Variants in STAT4 observed in about 807,000 individuals in gnomAD.
The protein encoded by STAT4 is signal transducer and activator of transcription 4.
A neutral mutation model predicts 110.5 loss-of-function variants in STAT4; 42 were observed. The ratio of observed to expected loss-of-function variants is 0.38; its 90% CI spans 0.30 to 0.49. STAT4 has a LOEUF of 0.49. Ranked by LOEUF, STAT4 falls within the 20% of genes least tolerant of loss-of-function variation. STAT4 has a pLI of 0.95. For missense variants in STAT4, 632 were observed against 887.9 expected (o/e 0.71, Z 3.66); for synonymous variants, 284 against 302.2 (o/e 0.94, Z 0.63).
At chr2:191,121,408 C>G (rs894195880) in intron 3 of STAT4, among the ~76,000 whole-genome samples, 1 of 152,136 alleles carries the variant, frequency 6.6e-6, no homozygotes, top group African/African-American at 2.4e-5. Context: ...TTGACCCAGC[C>G]ATCCCATTAC....
intron 3 of STAT4, among the ~76,000 whole-genome samples, chr2:191,098,395 A>C (rs1316885466): frequency 6.6e-6 from 1 of 152,238 alleles, no homozygotes; most frequent in Non-Finnish European, 1.5e-5. Flanking sequence ...TGGATTAAGA[A>C]AATGTGGCAC....
chr2:191,071,195 A>C lies in STAT4; in HGVS notation c.466-1424T>G, dbSNP rs149435600. On this transcript the variant is annotated intron_variant, in intron 5 of 23. Transcript: ENST00000392320. Reference sequence around the variant, plus strand: ...GCAAAGTAAACTATTTCCATTTTTCATGTGAGGAAACTGAGGCCCAAAGTC... The same window carrying C: ...GCAAAGTAAACTATTTCCATTTTTCCTGTGAGGAAACTGAGGCCCAAAGTC... 1.7e-4 allele frequency among the ~76,000 whole-genome samples: 26 copies of C among 152,302 alleles called. 1 individual carries two copies. In the East Asian group the frequency reaches 5.0e-3, roughly 29 times the overall value.
In STAT4 at chr2:191,033,474, A is replaced by T; in HGVS notation, c.1852+16T>A. ...GAAAACTAATTTCACATGAATAAAC[A>T]TTAGTGAGTATATACCACTTTCAGA... is the stretch of plus-strand genomic sequence containing the variant. On this transcript the variant is annotated intron_variant, in intron 20 of 23. Coordinates refer to ENST00000392320, the MANE Select transcript of STAT4 (RefSeq NM_003151.4). The surrounding 1 kb of genome is among the most constrained non-coding windows in gnomAD (Gnocchi z 6.9). The T allele has an allele frequency of 6.3e-7, 1 of 1,589,896 alleles. No individual in the cohort carries two copies. Among genetic ancestry groups the T allele is most frequent in the Non-Finnish European group, 8.5e-7 (1 of 1,173,546 alleles).
At chr2:191,121,789 GA>G (rs1698740843) in intron 3 of STAT4, among the ~76,000 whole-genome samples, 1 of 128,330 alleles carries the variant, frequency 7.8e-6, no homozygotes, top group Non-Finnish European at 1.6e-5. Context: ...GGGGAAGGGG[GA>G]GGGGGGAGGG....
rs1214589655 is a variant in STAT4 at position 191,062,802 on chromosome 2, G to T, written c.901C>A (p.Leu301Ile). 6.2e-7 allele frequency: 1 copy of T among 1,613,838 alleles called. No homozygotes were observed. The highest frequency in any genetic ancestry group is 8.5e-7 in the Non-Finnish European group (1 of 1,179,876). Residue 301 changes from leucine (L) to isoleucine (I), a missense_variant, in exon 9 of 24, where the codon CTA becomes ATA. Leu to Ile is a conservative substitution (Grantham distance 5). This residue lies in a region of STAT4 where 488 missense variants were observed against 632.8 expected (regional missense o/e 0.77). Transcript: ENST00000392320. The surrounding 1 kb of genome is among the most constrained non-coding windows in gnomAD (Gnocchi z 4.9). ...DPIPMQRTHM[L>I]ERVTFLIYNL... ...TAGATCAAGAAGGTGACTCTTTCTA[G>T]CATGTGAGTTCTTTGCATTGGAATG...
At chr2:191,106,470 C>T (rs1698284376) in intron 3 of STAT4, among the ~76,000 whole-genome samples, 1 of 151,584 alleles carries the variant, frequency 6.6e-6, no homozygotes, top group African/African-American at 2.4e-5. Context: ...GTCTGGCCAA[C>T]ATGGTGAAAT....
rs1456244974 is a variant in STAT4 at position 191,150,348 on chromosome 2, G to A, written c.-2+599C>T. ...TCTCTAGGGGCTACTTCTTTCTCATGAAAACTGTGACGTTGCTTCTGAAAA... is the reference window on the plus strand; with the variant it reads ...TCTCTAGGGGCTACTTCTTTCTCATAAAAACTGTGACGTTGCTTCTGAAAA... On this transcript the variant is annotated intron_variant, in intron 1 of 23. Transcript: ENST00000392320. This position sits in a 1 kb window ranked among gnomAD's most constrained non-coding sequence, Gnocchi z 6.4. 5.3e-5 allele frequency among the ~76,000 whole-genome samples: 8 copies of A among 152,194 alleles called. No individual in the cohort carries two copies. The highest frequency in any genetic ancestry group is 1.0e-4 in the Non-Finnish European group (7 of 68,038).
At position 191,076,240 on chromosome 2, in the gene STAT4, T is replaced by C. The variant is rs1355355814; in HGVS notation, c.359A>G (p.Asn120Ser). ...REERRILAAA[N>S]MPVQGPLEKS... is the part of the protein sequence containing the mutation. ...AGAAAATATTACCTGGACAGGCATGTTGGCTGCAGCCAATATTCTCCTCTC... is the reference window on the plus strand; with the variant it reads ...AGAAAATATTACCTGGACAGGCATGCTGGCTGCAGCCAATATTCTCCTCTC... The change falls in exon 4 of 24, where the codon AAC (asparagine) becomes AGC (serine). Residue 120 changes from asparagine (N) to serine (S), a missense_variant. Physicochemically the swap from Asn to Ser is conservative, Grantham distance 46 (BLOSUM62 1). This residue lies in a region of STAT4 where 488 missense variants were observed against 632.8 expected (regional missense o/e 0.77). Coordinates refer to ENST00000392320, the MANE Select transcript of STAT4 (RefSeq NM_003151.4). The C allele has an allele frequency of 6.2e-7, 1 of 1,613,496 alleles. No homozygotes were observed. The highest frequency in any genetic ancestry group is 8.5e-7 in the Non-Finnish European group (1 of 1,179,688).
At chr2:191,044,966 A>C (rs1465116846) in intron 14 of STAT4, among the ~76,000 whole-genome samples, 1 of 152,228 alleles carries the variant, frequency 6.6e-6, no homozygotes, top group Non-Finnish European at 1.5e-5. Context: ...TTAGCTGTTA[A>C]CAATTTTTAT....
intron 14 of STAT4, among the ~76,000 whole-genome samples, chr2:191,047,394 G>C (rs1225690010): frequency 6.6e-6 from 1 of 152,218 alleles, no homozygotes; most frequent in East Asian, 1.9e-4. Flanking sequence ...CAGAAGTGCA[G>C]ATCACAACCT....
At chr2:191,097,501 G>C (rs1005657076) in intron 3 of STAT4, among the ~76,000 whole-genome samples, 14 of 151,944 alleles carry the variant, frequency 9.2e-5, no homozygotes, top group African/African-American at 3.1e-4. Context: ...ACAAACCTGA[G>C]AAAAACAAGA....
chr2:191,103,316 T>C (rs1018350631), intron 3 of STAT4, among the ~76,000 whole-genome samples: 7 of 152,180 alleles, frequency 4.6e-5, no homozygotes, highest in African/African-American at 1.7e-4. Flanking sequence ...TTGCCTGATA[T>C]TGATGTAGAT....
At position 191,033,633 on chromosome 2, in the gene STAT4, A is replaced by G; in HGVS notation, c.1716-7T>C. 1 of 1,610,418 alleles carries G rather than the reference A, an allele frequency of 6.2e-7. No individual in the cohort carries two copies. On this transcript the variant is annotated splice_region_variant and splice_polypyrimidine_tract_variant and intron_variant, in intron 19 of 23. Coordinates refer to ENST00000392320, the MANE Select transcript of STAT4 (RefSeq NM_003151.4). This position sits in a 1 kb window ranked among gnomAD's most constrained non-coding sequence, Gnocchi z 6.9. ...AACAAAGCCCATGACATACCTAAAA[A>G]TAGAACATGCATTATTTCATCTGAT...
At position 191,143,183 on chromosome 2, in the gene STAT4, T is replaced by C. The variant is rs60905156; in HGVS notation, c.273+3430A>G. ...TTTTTTTAAGGTCCATTAATTTTCT[T>C]AAAGCAAAGCATTCTTGAATTATCT... is the stretch of plus-strand genomic sequence containing the variant. On this transcript the variant is annotated intron_variant, in intron 3 of 23. Transcript: ENST00000392320. The surrounding 1 kb of genome is among the most constrained non-coding windows in gnomAD (Gnocchi z 5.6). Among the ~76,000 whole-genome samples, 7,719 of 152,284 alleles carry C rather than the reference T, an allele frequency of 0.051. 674 individuals are homozygous for C. Among genetic ancestry groups the C allele is most frequent in the African/African-American group, 0.18 (7,291 of 41,536 alleles).
chr2:191,121,814 A>T (rs1264106060), intron 3 of STAT4: 1 of 151,292 alleles, frequency 6.6e-6, no homozygotes, highest in African/African-American at 2.4e-5. Flanking sequence ...GCATTAGGAG[A>T]TATACCTAAT....
chr2:191,090,585 A>C lies in STAT4; in HGVS notation c.274-14260T>G, dbSNP rs994950042. Among the ~76,000 whole-genome samples, 3 of 152,064 alleles carry C rather than the reference A, an allele frequency of 2.0e-5. No individual in the cohort carries two copies. Among genetic ancestry groups the C allele is most frequent in the Non-Finnish European group, 4.4e-5 (3 of 67,982 alleles). ...TACTTGGTTTGTTTGTTTGAGACAG[A>C]GTCTTGCTTCTGTTGCCCAGACTGG... On this transcript the variant is annotated intron_variant, in intron 3 of 23. Coordinates refer to ENST00000392320, the MANE Select transcript of STAT4 (RefSeq NM_003151.4). This position sits in a 1 kb window ranked among gnomAD's most constrained non-coding sequence, Gnocchi z 4.2.
Position 191,053,859 on chromosome 2 carries a change from T to G in STAT4, c.1251+631A>C, listed in dbSNP as rs1365264539. Among the ~76,000 whole-genome samples the G allele has an allele frequency of 6.6e-6, 1 of 152,170 alleles. No individual in the cohort carries two copies. Among genetic ancestry groups the G allele is most frequent in the Non-Finnish European group, 1.5e-5 (1 of 68,020 alleles). Reference sequence around the variant, plus strand: ...AAACTGTTCTCCGGGCTGGGCACGGTGGCTCACGCCTATAATCCCAGCATT... The same window carrying G: ...AAACTGTTCTCCGGGCTGGGCACGGGGGCTCACGCCTATAATCCCAGCATT... On this transcript the variant is annotated intron_variant, in intron 14 of 23. Coordinates refer to ENST00000392320, the MANE Select transcript of STAT4 (RefSeq NM_003151.4). The surrounding 1 kb of genome is among the most constrained non-coding windows in gnomAD (Gnocchi z 4.5).
Position 191,033,873 on chromosome 2 carries a change from A to G in STAT4, c.1715+38T>C. ...ACCAATAACAACAGAAAAAAAGAAC[A>G]TAATTAACTCATATGAAAAATATAG... On this transcript the variant is annotated intron_variant, in intron 19 of 23. Transcript: ENST00000392320. This position sits in a 1 kb window ranked among gnomAD's most constrained non-coding sequence, Gnocchi z 6.9. 1.3e-6 allele frequency: 2 copies of G among 1,502,590 alleles called. No homozygotes were observed. The highest frequency in any genetic ancestry group is 1.8e-6 in the Non-Finnish European group (2 of 1,103,296). The allele number at this position is 1,502,590 out of a possible 1,614,324, so 93.1% of individuals were successfully genotyped here. A position where few individuals can be genotyped will look rare whatever the true frequency, so the allele number is the denominator to read the frequency against.
intron 13 of STAT4, among the ~76,000 whole-genome samples, chr2:191,055,470 C>T (rs569645209): frequency 2.0e-5 from 3 of 150,186 alleles, no homozygotes; most frequent in Admixed American, 6.7e-5. Flanking sequence ...CCACCCGCCT[C>T]GGCCTCCCAA....
Sources: gnomAD v4.1 joint callset for allele counts (sites outside exome capture counted in the v4.1 genomes callset) on GRCh38, gnomAD v4.1.1 for gene constraint, gnomAD v4.1.1 regional missense constraint, Gnocchi (gnomAD v3.1) non-coding constraint, MANE v1.5 for transcripts, NCBI Gene and HGNC (gene_info 2026-07-23, HGNC 2026-07-21) for gene names.